The following GALR1 variants were observed in gnomAD, a reference collection of about 807,000 sequenced individuals.
The protein encoded by GALR1 is galanin receptor 1, also known as galanin receptor type 1.
Under a neutral mutation model 17.9 loss-of-function variants are expected in GALR1, and 11 were observed. The ratio of observed to expected loss-of-function variants is 0.62; its 90% confidence interval spans 0.39 to 1.02. The LOEUF is 1.02. GALR1 is among the 50% of genes least tolerant of loss of function. GALR1 has a pLI of 0.01. For synonymous variants in GALR1, 206 were observed against 205.7 expected (o/e 1.00, Z -0.01); for missense variants, 441 against 456.9 (o/e 0.97, Z 0.32).
intron 2 of GALR1, among the ~76,000 whole-genome samples, chr18:77,257,914 T>C (rs1213972563): frequency 6.6e-6 from 1 of 152,246 alleles, no homozygotes; most frequent in African/African-American, 2.4e-5. Context: ...GATAAATGTG[T>C]GTTAATGATT....
chr18:77,261,384 G>C (rs9961622), intron 2 of GALR1, among the ~76,000 whole-genome samples: 13,401 of 152,268 alleles, frequency 0.088, 978 homozygotes, highest in South Asian at 0.23. Context: ...CCCTGTAAGA[G>C]AGTAGAAAGA....
chr18:77,274,830 T>C lies in GALR1; in HGVS notation c.*5928T>C, dbSNP rs1205184565. 6.6e-6 allele frequency: 1 copy of C among 152,240 alleles called. No homozygotes were observed. Among genetic ancestry groups the C allele is most frequent in the African/African-American group, 2.4e-5 (1 of 41,458 alleles). The allele number at this position is 152,240 out of a possible 1,614,324, so 9.4% of individuals were successfully genotyped here. ...TTCTGATTATGCCTTCATTCACTCT[T>C]TTTATTACTTATACACATGTCTGTT... On this transcript the variant is annotated 3_prime_UTR_variant, in exon 3 of 3. Coordinates refer to ENST00000299727, the MANE Select transcript of GALR1 (RefSeq NM_001480.4).
intron 2 of GALR1, among the ~76,000 whole-genome samples, chr18:77,263,100 C>G (rs989237266): frequency 1.1e-4 from 16 of 152,162 alleles, no homozygotes; most frequent in African/African-American, 2.7e-4. Context: ...ATGCAATACC[C>G]GGAGGGTAAC....
In GALR1 at chr18:77,268,564, C is replaced by CCTT. The variant is rs778523845; in HGVS notation, c.733-19_733-18insTCT. On this transcript the variant is annotated intron_variant, in intron 2 of 2. Coordinates refer to ENST00000299727, the MANE Select transcript of GALR1 (RefSeq NM_001480.4). ...ACCGCCTCCTCCTCCTCCTCCTCCT[C>CCTT]CTCCTCTTCTTCTTTTCTAGACTGC... 26 of 1,585,094 alleles carry CCTT rather than the reference C, an allele frequency of 1.6e-5. No individual in the cohort carries two copies. In the South Asian group the frequency reaches 2.8e-4, roughly 17 times the overall value.
intron 1 of GALR1, among the ~76,000 whole-genome samples, chr18:77,255,771 A>G (rs12717041): frequency 0.074 from 11,261 of 152,236 alleles, 540 homozygotes; most frequent in African/African-American, 0.13. Context: ...GACATGTAGC[A>G]GGGACCTGGT....
intron 1 of GALR1, among the ~76,000 whole-genome samples, chr18:77,252,199 T>A (rs930350536): frequency 6.6e-6 from 1 of 152,236 alleles, no homozygotes; most frequent in African/African-American, 2.4e-5. Flanking sequence ...GTCTTCAGCC[T>A]TTGACATACG....
intron 1 of GALR1, among the ~76,000 whole-genome samples, chr18:77,254,291 A>G (rs1912536780): frequency 6.6e-6 from 1 of 152,186 alleles, no homozygotes; most frequent in Admixed American, 6.5e-5. Flanking sequence ...GGGGTGCATC[A>G]TAATATATCA....
At position 77,271,707 on chromosome 18, in the gene GALR1, A is replaced by G. The variant is rs2144971157; in HGVS notation, c.*2805A>G. The G allele has an allele frequency of 6.6e-6, 1 of 152,352 alleles. No homozygotes were observed. Among genetic ancestry groups the G allele is most frequent in the South Asian group, 2.1e-4 (1 of 4,828 alleles). The allele number at this position is 152,352 out of a possible 1,614,324, so 9.4% of individuals were successfully genotyped here. On this transcript the variant is annotated 3_prime_UTR_variant, in exon 3 of 3. Coordinates refer to ENST00000299727, the MANE Select transcript of GALR1 (RefSeq NM_001480.4). The stretch of plus-strand genomic sequence containing the variant: ...GAAACTCACATTTTCAGTTTACTTC[A>G]AAGAAAACTGATGCTTTCTAAGCAG...
chr18:77,273,784 G>A lies in GALR1; in HGVS notation c.*4882G>A, dbSNP rs900105309. Reference sequence around the variant, plus strand: ...TACTCAGACAATTGCTTGAAGAGCTGAACTGTTAGCTCAAGATTTCGTTGG... The same window carrying A: ...TACTCAGACAATTGCTTGAAGAGCTAAACTGTTAGCTCAAGATTTCGTTGG... On this transcript the variant is annotated 3_prime_UTR_variant, in exon 3 of 3. Coordinates refer to ENST00000299727, the MANE Select transcript of GALR1 (RefSeq NM_001480.4). 1.3e-5 allele frequency: 2 copies of A among 152,206 alleles called. No individual in the cohort carries two copies. Among genetic ancestry groups the A allele is most frequent in the African/African-American group, 4.8e-5 (2 of 41,462 alleles). 9.4% of individuals were successfully genotyped at this position (152,206 alleles called of 1,614,324 possible). A position where few individuals can be genotyped will look rare whatever the true frequency, so the allele number is the denominator to read the frequency against.
At position 77,274,182 on chromosome 18, in the gene GALR1, C is replaced by T. The variant is rs958572863; in HGVS notation, c.*5280C>T. The T allele has an allele frequency of 5.9e-5, 9 of 151,984 alleles. No individual in the cohort carries two copies. Among genetic ancestry groups the T allele is most frequent in the Non-Finnish European group, 1.5e-5 (1 of 68,002 alleles). 9.4% of individuals were successfully genotyped at this position (151,984 alleles called of 1,614,324 possible). On this transcript the variant is annotated 3_prime_UTR_variant, in exon 3 of 3. Coordinates refer to ENST00000299727, the MANE Select transcript of GALR1 (RefSeq NM_001480.4). Reference sequence around the variant, plus strand: ...ATTTGCTGGCTAGATTGTCCAAAAACAAGCTCACTTGTTTTTGGGCAATCT... The same window carrying T: ...ATTTGCTGGCTAGATTGTCCAAAAATAAGCTCACTTGTTTTTGGGCAATCT...
In GALR1 at chr18:77,250,544, G is replaced by T. The variant is rs1269997693; in HGVS notation, c.-5G>T. 6.6e-7 allele frequency: 1 copy of T among 1,515,354 alleles called. No homozygotes were observed. The highest frequency in any genetic ancestry group is 8.8e-7 in the Non-Finnish European group (1 of 1,137,248). 93.9% of individuals were successfully genotyped at this position (1,515,354 alleles called of 1,614,324 possible). On this transcript the variant is annotated 5_prime_UTR_variant, in exon 1 of 3. Coordinates refer to ENST00000299727, the MANE Select transcript of GALR1 (RefSeq NM_001480.4). Reference sequence around the variant, plus strand: ...CCGCCGCTCGCCGGGACAGCCCCGCGGGCCATGGAGCTGGCGGTCGGGAAC... The same window carrying T: ...CCGCCGCTCGCCGGGACAGCCCCGCTGGCCATGGAGCTGGCGGTCGGGAAC...
rs1488180555 is a variant in GALR1 at position 77,273,697 on chromosome 18, A to G, written c.*4795A>G. On this transcript the variant is annotated 3_prime_UTR_variant, in exon 3 of 3. Transcript: ENST00000299727. ...CAGTGAGGGTTTTATCTTTGTATTCACTGGAAATAACCTCAGCTGAATTTT... is the reference window on the plus strand; with the variant it reads ...CAGTGAGGGTTTTATCTTTGTATTCGCTGGAAATAACCTCAGCTGAATTTT... The G allele has an allele frequency of 6.6e-6, 1 of 152,094 alleles. No individual in the cohort carries two copies. The highest frequency in any genetic ancestry group is 2.4e-5 in the African/African-American group (1 of 41,396). The allele number at this position is 152,094 out of a possible 1,614,324, so 9.4% of individuals were successfully genotyped here. A position where few individuals can be genotyped will look rare whatever the true frequency, so the allele number is the denominator to read the frequency against.
At chr18:77,252,941 C>CCACCAT in intron 1 of GALR1, among the ~76,000 whole-genome samples, 2 of 52,530 alleles carry the variant, frequency 3.8e-5, no homozygotes, top group Non-Finnish European at 9.1e-5. Context: ...ACCACCACCA[C>CCACCAT]CACCACCATC....
chr18:77,253,001 C>T (rs868444368), intron 1 of GALR1, among the ~76,000 whole-genome samples: 572 of 55,416 alleles, frequency 0.01, 10 homozygotes, highest in African/African-American at 0.022. Flanking sequence ...ACCACCACCA[C>T]CACCACCACC....
rs1176409811 is a variant in GALR1 at position 77,272,772 on chromosome 18, G to C, written c.*3870G>C. 1 of 152,192 alleles carries C rather than the reference G, an allele frequency of 6.6e-6. No homozygotes were observed. Among genetic ancestry groups the C allele is most frequent in the Non-Finnish European group, 1.5e-5 (1 of 68,034 alleles). 9.4% of individuals were successfully genotyped at this position (152,192 alleles called of 1,614,324 possible). ...TTATTTTAAAAGCTGTATGTAGTAA[G>C]AACAAGTAGGTGGTTTAAAATTCAG... On this transcript the variant is annotated 3_prime_UTR_variant, in exon 3 of 3. Transcript: ENST00000299727.
Position 77,257,885 on chromosome 18 carries a change from G to C in GALR1, c.732+1662G>C, listed in dbSNP as rs543191425. 4.3e-4 allele frequency among the ~76,000 whole-genome samples: 66 copies of C among 152,344 alleles called. No homozygotes were observed. In the South Asian group the frequency reaches 0.013, roughly 29 times the overall value. On this transcript the variant is annotated intron_variant, in intron 2 of 2. Transcript: ENST00000299727. ...ATTGGGCTCGTCAAACTTTAACTGA[G>C]AAGACACCATTGATCTGTGATAAAT... is the stretch of plus-strand genomic sequence containing the variant.
intron 1 of GALR1, 147 bp from the exon 2 acceptor site, chr18:77,256,011 T>A (rs929512176): frequency 1.7e-6 from 1 of 598,620 alleles, no homozygotes; most frequent in Non-Finnish European, 3.0e-6. Flanking sequence ...TGTTCATTGT[T>A]ACCTAATTAC....
At chr18:77,262,583 G>C (rs1249993414) in intron 2 of GALR1, among the ~76,000 whole-genome samples, 2 of 152,178 alleles carry the variant, frequency 1.3e-5, no homozygotes, top group Non-Finnish European at 2.9e-5. Flanking sequence ...AGGTGCCCAG[G>C]GCCTGTTTGC....
At chr18:77,262,883 G>A (rs1227800551) in intron 2 of GALR1, among the ~76,000 whole-genome samples, 1 of 152,166 alleles carries the variant, frequency 6.6e-6, no homozygotes, top group Non-Finnish European at 1.5e-5. Flanking sequence ...GGCTCTAAGA[G>A]CAATGGGACT....
Sources: allele counts gnomAD v4.1 joint callset (sites outside exome capture counted in the v4.1 genomes callset), GRCh38; gene constraint gnomAD v4.1.1; transcripts MANE v1.5; gene names NCBI Gene and HGNC (gene_info 2026-07-23, HGNC 2026-07-21).